Variants in RANBP17 observed in about 807,000 individuals in gnomAD.
RANBP17 encodes the protein ran-binding protein 17.
A neutral mutation model predicts 141.2 loss-of-function variants in RANBP17; 158 were observed. That is an observed-to-expected ratio of 1.12 (90% CI 0.98 to 1.28). The LOEUF is 1.28. RANBP17 is among the 50% of genes most tolerant of loss of function. The pLI, the probability that RANBP17 is intolerant of heterozygous loss-of-function variation, is 0.00. For missense variants in RANBP17, 1,438 were observed against 1,290.7 expected (o/e 1.11, Z -1.75); for synonymous variants, 430 against 450.0 (o/e 0.96, Z 0.56).
In RANBP17 at chr5:171,164,701, C is replaced by G. The variant is rs190995271; in HGVS notation, c.1711-5429C>G. Reference sequence around the variant, plus strand: ...TGATAATTCCTTACATTTCTAATCACTTTCCATATTTCAGGAGCAAGAGAG... The same window carrying G: ...TGATAATTCCTTACATTTCTAATCAGTTTCCATATTTCAGGAGCAAGAGAG... On this transcript the variant is annotated intron_variant, in intron 14 of 27. Transcript: ENST00000523189. 2.0e-5 allele frequency among the ~76,000 whole-genome samples: 3 copies of G among 152,296 alleles called. No individual in the cohort carries two copies. In the East Asian group the frequency reaches 5.8e-4, roughly 29 times the overall value.
intron 3 of RANBP17, among the ~76,000 whole-genome samples, chr5:170,890,238 A>G (rs763665823): frequency 4.6e-5 from 7 of 152,216 alleles, no homozygotes; most frequent in Non-Finnish European, 8.8e-5. Flanking sequence ...AATTGAAGTA[A>G]ATACACTGGA....
intron 24 of RANBP17, among the ~76,000 whole-genome samples, chr5:171,251,036 G>C (rs1295058643): frequency 6.6e-6 from 1 of 152,142 alleles, no homozygotes; most frequent in African/African-American, 2.4e-5. Context: ...CTTTTCATCG[G>C]AACATGGAAC....
chr5:171,088,657 C>A (rs1351551245), intron 14 of RANBP17, among the ~76,000 whole-genome samples: 1 of 149,580 alleles, frequency 6.7e-6, no homozygotes, highest in Admixed American at 6.7e-5. Context: ...AGGCTTTGCT[C>A]CTTTCTTTTT....
At chr5:171,185,732 C>A (rs979874305) in intron 18 of RANBP17, among the ~76,000 whole-genome samples, 2 of 152,184 alleles carry the variant, frequency 1.3e-5, no homozygotes, top group African/African-American at 4.8e-5. Context: ...AGTCTTGAAC[C>A]CCTCAGAGTC....
chr5:171,198,178 A>G lies in RANBP17; in HGVS notation c.2039-1492A>G, dbSNP rs78443446. Among the ~76,000 whole-genome samples the G allele has an allele frequency of 8.6e-3, 1,304 of 152,370 alleles. 20 individuals carry two copies. The highest frequency in any genetic ancestry group is 0.03 in the African/African-American group (1,259 of 41,578). On this transcript the variant is annotated intron_variant, in intron 18 of 27. Transcript: ENST00000523189. ...TGAAAAATAACATCTGTATAGGTCT[A>G]TGTTATCACCAGTTAACAGAGAAGA...
intron 1 of RANBP17, among the ~76,000 whole-genome samples, chr5:170,862,487 A>G (rs557925129): frequency 2.9e-4 from 44 of 152,244 alleles, no homozygotes; most frequent in South Asian, 1.0e-3. Flanking sequence ...GCGCGGCTCT[A>G]TCGTCAGCCT....
At chr5:171,281,299 T>C (rs1171512068) in intron 25 of RANBP17, among the ~76,000 whole-genome samples, 1 of 152,188 alleles carries the variant, frequency 6.6e-6, no homozygotes. Context: ...AGAAATCTCT[T>C]AGGCACCAAG....
rs1258347768 is a variant in RANBP17, at chr5:170,966,428, A to G, written c.1575-1814A>G. On this transcript the variant is annotated intron_variant, in intron 13 of 27. Coordinates refer to ENST00000523189, the MANE Select transcript of RANBP17 (RefSeq NM_022897.5). ...AAATGTAATCCAGCATATAAACAGAACCAAAGACAAAAACCACATGATTAT... is the reference window on the plus strand; with the variant it reads ...AAATGTAATCCAGCATATAAACAGAGCCAAAGACAAAAACCACATGATTAT... Among the ~76,000 whole-genome samples, 48 of 152,350 alleles carry G rather than the reference A, an allele frequency of 3.2e-4. 1 individual carries two copies. The South Asian group carries it at 1.0e-2, about 32-fold the overall frequency.
chr5:171,292,294 G>C (rs1467116074), intron 25 of RANBP17, among the ~76,000 whole-genome samples: 2 of 152,214 alleles, frequency 1.3e-5, no homozygotes, highest in Non-Finnish European at 2.9e-5. Context: ...TAGAATGGCA[G>C]ACGTTTAGAA....
At chr5:171,198,943 T>C (rs1477599900) in intron 18 of RANBP17, among the ~76,000 whole-genome samples, 3 of 152,198 alleles carry the variant, frequency 2.0e-5, no homozygotes, top group Non-Finnish European at 4.4e-5. Flanking sequence ...AAGAATACTA[T>C]ATAAATTATC....
chr5:171,049,692 G>A (rs935176745), intron 14 of RANBP17, among the ~76,000 whole-genome samples: 3 of 152,156 alleles, frequency 2.0e-5, no homozygotes, highest in Admixed American at 2.0e-4. Flanking sequence ...CATGTGACTA[G>A]CTAGTGATCC....
chr5:170,923,319 A>G (rs1056850597), intron 11 of RANBP17, among the ~76,000 whole-genome samples: 4 of 152,148 alleles, frequency 2.6e-5, no homozygotes, highest in Non-Finnish European at 4.4e-5. Flanking sequence ...TACTGCATAC[A>G]TGTAGTTCTA....
At chr5:171,170,369 A>G (rs1760017813) in intron 15 of RANBP17, among the ~76,000 whole-genome samples, 166 bp downstream of exon 15, 1 of 152,164 alleles carries the variant, frequency 6.6e-6, no homozygotes, top group African/African-American at 2.4e-5. Flanking sequence ...TTAATTTCAC[A>G]TATTGAAAAG....
chr5:171,266,107 G>A (rs1374276162), intron 25 of RANBP17, among the ~76,000 whole-genome samples: 2 of 152,108 alleles, frequency 1.3e-5, no homozygotes, highest in Admixed American at 6.5e-5. Flanking sequence ...TTTTTCCAGA[G>A]GCCTGAGAAA....
intron 24 of RANBP17, among the ~76,000 whole-genome samples, chr5:171,247,365 C>T (rs1422187847): frequency 1.3e-5 from 2 of 152,112 alleles, no homozygotes; most frequent in East Asian, 3.9e-4. Flanking sequence ...AGAAAGGGGA[C>T]TATTTAGAAT....
rs186783916 is a variant in RANBP17, at chr5:171,297,475, C to T, written c.3171-1287C>T. ...TTGAAATGCAAATCATCAGTCATCC[C>T]AGTAGCCACAGTGTATTCTGGAGTT... On this transcript the variant is annotated intron_variant, in intron 27 of 27. Coordinates refer to ENST00000523189, the MANE Select transcript of RANBP17 (RefSeq NM_022897.5). Among the ~76,000 whole-genome samples, 5 of 152,328 alleles carry T rather than the reference C, an allele frequency of 3.3e-5. No individual in the cohort carries two copies. The East Asian group carries it at 7.7e-4, about 23-fold the overall frequency.
chr5:170,936,285 C>G (rs1251949651), intron 12 of RANBP17, among the ~76,000 whole-genome samples: 3 of 152,138 alleles, frequency 2.0e-5, no homozygotes, highest in African/African-American at 7.2e-5. Flanking sequence ...GCTGCACCGA[C>G]TTGTTTGGCA....
intron 14 of RANBP17, 55 bp downstream of exon 14, chr5:170,968,432 C>G: frequency 6.9e-7 from 1 of 1,457,556 alleles, no homozygotes; most frequent in Non-Finnish European, 9.6e-7. Flanking sequence ...GAAAGATGTA[C>G]ATATATAACT....
Position 170,899,377 on chromosome 5 carries a change from G to A in RANBP17, c.489+3262G>A, listed in dbSNP as rs897487452. Among the ~76,000 whole-genome samples the A allele has an allele frequency of 7.2e-5, 11 of 152,288 alleles. No individual in the cohort carries two copies. In the East Asian group the frequency reaches 1.9e-3, roughly 27 times the overall value. On this transcript the variant is annotated intron_variant, in intron 5 of 27. Coordinates refer to ENST00000523189, the MANE Select transcript of RANBP17 (RefSeq NM_022897.5). ...TTTTGCACATTGATTTTGTATCTGA[G>A]ACTTTGCTGAAGTTGCTTATCAGCT...
Sources: allele counts gnomAD v4.1 joint callset (sites outside exome capture counted in the v4.1 genomes callset), GRCh38; gene constraint gnomAD v4.1.1; transcripts MANE v1.5; gene names NCBI Gene and HGNC (gene_info 2026-07-23, HGNC 2026-07-21).